The following GABRG3 variants were observed in gnomAD, a reference collection of about 807,000 sequenced individuals.
GABRG3 encodes gamma-aminobutyric acid type A receptor subunit gamma3, also known as gamma-aminobutyric acid receptor subunit gamma-3.
GABRG3 carries 25 observed loss-of-function variants against 48.8 expected under a neutral mutation model. The ratio of observed to expected loss-of-function variants is 0.51; its 90% CI spans 0.37 to 0.72. The LOEUF (loss-of-function observed/expected upper bound fraction) is 0.72, where lower values mean the gene tolerates loss of function less well. Ranked by LOEUF, GABRG3 falls within the 30% of genes least tolerant of loss-of-function variation. The pLI, the probability that GABRG3 is intolerant of heterozygous loss-of-function variation, is 0.00. For missense variants in GABRG3, 394 were observed against 577.9 expected (o/e 0.68, Z 3.26); for synonymous variants, 227 against 217.6 (o/e 1.04, Z -0.38).
intron 2 of GABRG3, among the ~76,000 whole-genome samples, chr15:27,026,479 T>C (rs1399345359): frequency 2.6e-5 from 4 of 152,234 alleles, no homozygotes; most frequent in Non-Finnish European, 1.5e-5. Context: ...CTTTATAGTC[T>C]TCTATGACTG....
chr15:27,148,719 C>T (rs1260957411), intron 3 of GABRG3, among the ~76,000 whole-genome samples: 1 of 151,984 alleles, frequency 6.6e-6, no homozygotes, highest in Non-Finnish European at 1.5e-5. Context: ...CTATGTAATA[C>T]TCTGTATTCA....
chr15:27,060,157 C>G (rs1241898857), intron 3 of GABRG3, among the ~76,000 whole-genome samples: 1 of 152,200 alleles, frequency 6.6e-6, no homozygotes, highest in Non-Finnish European at 1.5e-5. Context: ...TTGTATCTAA[C>G]TGCTTGTTGT....
chr15:27,225,219 T>C (rs1340111038), intron 3 of GABRG3, among the ~76,000 whole-genome samples: 1 of 152,132 alleles, frequency 6.6e-6, no homozygotes, highest in Non-Finnish European at 1.5e-5. Context: ...AAACAACAGA[T>C]ATACCTGAAA....
intron 3 of GABRG3, among the ~76,000 whole-genome samples, chr15:27,309,865 T>A (rs1476247591): frequency 6.6e-6 from 1 of 152,086 alleles, no homozygotes; most frequent in African/African-American, 2.4e-5. Flanking sequence ...ACCTGTACAT[T>A]AATATTTACA....
intron 3 of GABRG3, among the ~76,000 whole-genome samples, chr15:27,306,435 TAC>T (rs1245371615): frequency 3.6e-5 from 5 of 139,896 alleles, no homozygotes; most frequent in African/African-American, 1.3e-4. Context: ...AAACATATAA[TAC>T]GAACATATGT....
intron 5 of GABRG3, among the ~76,000 whole-genome samples, chr15:27,392,048 T>C (rs72705715): frequency 0.046 from 6,964 of 152,314 alleles, 260 homozygotes; most frequent in South Asian, 0.17. Context: ...AAATGATCTT[T>C]GTATTTTAGA....
chr15:27,145,645 CTATCTATCTATCTATCTATT>C (rs1465949612), intron 3 of GABRG3, among the ~76,000 whole-genome samples: 27 of 149,848 alleles, frequency 1.8e-4, no homozygotes, highest in Admixed American at 1.1e-3. Flanking sequence ...ATCTATCTAT[CTATCTATCTATCTATCTATT>C]GTGCCAGAAG....
chr15:26,984,909 A>G (rs1015234470), intron 2 of GABRG3, among the ~76,000 whole-genome samples: 13 of 152,342 alleles, frequency 8.5e-5, no homozygotes, highest in African/African-American at 3.1e-4. Flanking sequence ...GTCCTGGGCA[A>G]CGCTGACTGA....
At chr15:27,389,930 TA>T (rs1310957470) in intron 5 of GABRG3, among the ~76,000 whole-genome samples, 9 of 152,192 alleles carry the variant, frequency 5.9e-5, no homozygotes, top group Non-Finnish European at 8.8e-5. Context: ...GTTAAGGAAA[TA>T]GGCAAATAAT....
chr15:27,275,568 C>T (rs1416713156), intron 3 of GABRG3, among the ~76,000 whole-genome samples: 1 of 152,136 alleles, frequency 6.6e-6, no homozygotes, highest in Non-Finnish European at 1.5e-5. Context: ...TCTCAGACTG[C>T]ATCAGCCAGA....
intron 3 of GABRG3, among the ~76,000 whole-genome samples, chr15:27,131,906 T>C (rs1159558369): frequency 6.6e-6 from 1 of 152,068 alleles, no homozygotes; most frequent in Non-Finnish European, 1.5e-5. Flanking sequence ...TTTAAAAATA[T>C]ATATTTGGCC....
At chr15:27,329,728 A>G (rs1287923172) in intron 5 of GABRG3, among the ~76,000 whole-genome samples, 3 of 152,346 alleles carry the variant, frequency 2.0e-5, no homozygotes, top group African/African-American at 4.8e-5. Flanking sequence ...TATCACAGTT[A>G]ATCCTTTACA....
intron 3 of GABRG3, among the ~76,000 whole-genome samples, chr15:27,306,796 C>CATACAATATAAACATGTTTATATATAAAA (rs1892519760): frequency 2.4e-5 from 1 of 42,140 alleles, no homozygotes; most frequent in Admixed American, 2.5e-4. Flanking sequence ...TATATATAAA[C>CATACAATATAAACATGTTTATATATAAAA]ATACAATATA....
intron 2 of GABRG3, among the ~76,000 whole-genome samples, chr15:27,012,802 A>G (rs771422176): frequency 1.2e-4 from 18 of 152,130 alleles, no homozygotes; most frequent in Non-Finnish European, 2.2e-4. Flanking sequence ...GAAAGTGGAG[A>G]CTTTGTGTCT....
chr15:27,328,341 G>C (rs1186657081), intron 4 of GABRG3, among the ~76,000 whole-genome samples: 1 of 152,122 alleles, frequency 6.6e-6, no homozygotes, highest in East Asian at 1.9e-4. Context: ...GGAGGATGCA[G>C]GGCCCCCATT....
intron 3 of GABRG3, among the ~76,000 whole-genome samples, chr15:27,264,188 T>A (rs1890851669): frequency 6.6e-6 from 1 of 151,678 alleles, no homozygotes; most frequent in South Asian, 2.1e-4. Context: ...GGTTAGAGAG[T>A]GTGAGATTAG....
chr15:27,394,062 G>C (rs1054750868), intron 5 of GABRG3, among the ~76,000 whole-genome samples: 70 of 152,094 alleles, frequency 4.6e-4, no homozygotes, highest in African/African-American at 1.3e-3. Context: ...CCTTTCAACT[G>C]TATTATTTTA....
chr15:27,078,557 CAT>C (rs1896945127), intron 3 of GABRG3, among the ~76,000 whole-genome samples: 1 of 152,146 alleles, frequency 6.6e-6, no homozygotes, highest in Non-Finnish European at 1.5e-5. Context: ...GAAATGGAAA[CAT>C]ATGCCAGGCA....
rs191552669 is a variant in GABRG3 at position 27,010,058 on chromosome 15, C to T, written c.203-16696C>T. On this transcript the variant is annotated intron_variant, in intron 2 of 9. Coordinates refer to ENST00000615808, the MANE Select transcript of GABRG3 (RefSeq NM_033223.5). The stretch of plus-strand genomic sequence containing the variant: ...CTCCAGGGCTCAAGTGATCCTTCCA[C>T]CTCAGCCTCCCAAGTAGCTGGAGCT... Among the ~76,000 whole-genome samples the T allele has an allele frequency of 3.9e-5, 6 of 152,298 alleles. No individual in the cohort carries two copies. The East Asian group carries it at 9.7e-4, about 25-fold the overall frequency.
Sources: gnomAD v4.1 joint callset for allele counts (sites outside exome capture counted in the v4.1 genomes callset) on GRCh38, gnomAD v4.1.1 for gene constraint, MANE v1.5 for transcripts, NCBI Gene and HGNC (gene_info 2026-07-23, HGNC 2026-07-21) for gene names.